The following NBEA variants were observed in gnomAD, a reference collection of about 807,000 sequenced individuals.
The protein encoded by NBEA is neurobeachin, also known as lysosomal-trafficking regulator 2.
A neutral mutation model predicts 343.4 loss-of-function variants in NBEA; 44 were observed. The observed-to-expected ratio is 0.13, with a 90% CI of 0.10 to 0.16. The LOEUF (loss-of-function observed/expected upper bound fraction) is 0.16, where lower values mean the gene tolerates loss of function less well. Among genes scored for constraint, NBEA ranks in the 10% least tolerant of loss-of-function variants. The pLI is 1.00. For synonymous variants in NBEA, 1,175 were observed against 1,238.7 expected, an observed-to-expected ratio of 0.95 and a Z score of 1.08; for missense variants, 2,555 against 3,631.3, an observed-to-expected ratio of 0.70 and a Z score of 7.62.
intron 38 of NBEA, among the ~76,000 whole-genome samples, chr13:35,382,616 TATC>T (rs2042068283): frequency 6.6e-6 from 1 of 152,168 alleles, no homozygotes; most frequent in African/African-American, 2.4e-5. Context: ...AGTGAATTGT[TATC>T]ATTTCTACAT....
At chr13:35,112,419 G>A (rs746765948) in intron 13 of NBEA, among the ~76,000 whole-genome samples, 11 of 151,932 alleles carry the variant, frequency 7.2e-5, no homozygotes, top group Non-Finnish European at 2.9e-5. Flanking sequence ...ACATAAGACT[G>A]CATCTATATA....
chr13:35,205,395 G>A (rs1351410769), intron 31 of NBEA, among the ~76,000 whole-genome samples: 1 of 152,050 alleles, frequency 6.6e-6, no homozygotes, highest in Admixed American at 6.6e-5. Context: ...CTTCTTGTTG[G>A]TCCTAATTTG....
chr13:35,451,050 C>G (rs1328266093), intron 39 of NBEA, among the ~76,000 whole-genome samples: 1 of 152,168 alleles, frequency 6.6e-6, no homozygotes, highest in Non-Finnish European at 1.5e-5. Flanking sequence ...AATGCCAGGT[C>G]AAATCTTGCA....
At chr13:35,118,063 T>C (rs558014115) in intron 14 of NBEA, among the ~76,000 whole-genome samples, 165 bp from the exon 15 acceptor site, 290 of 152,100 alleles carry the variant, frequency 1.9e-3, no homozygotes, top group Non-Finnish European at 3.2e-3. Context: ...TTACTTAACT[T>C]GAAATAATAC....
Position 35,157,189 on chromosome 13 carries a change from G to C in NBEA, c.2763G>C (p.Arg921=). The change falls in exon 21 of 59, where the codon CGG becomes CGC. Residue 921 remains arginine, a synonymous_variant. Coordinates refer to ENST00000379939, the MANE Select transcript of NBEA (RefSeq NM_001385012.1). ...CCGAAATGGTCTACAATATCTTCCG[G>C]ATTCTTTTGTATCATGCAATAAAAT... is the stretch of plus-strand genomic sequence containing the variant. ...KITEMVYNIF[R]ILLYHAIKYE... 6.2e-7 allele frequency: 1 copy of C among 1,610,554 alleles called. No homozygotes were observed. The highest frequency in any genetic ancestry group is 1.1e-5 in the South Asian group (1 of 90,216).
chr13:35,508,016 A>C (rs2152984805), intron 41 of NBEA, among the ~76,000 whole-genome samples: 1 of 152,312 alleles, frequency 6.6e-6, no homozygotes, highest in East Asian at 1.9e-4. Flanking sequence ...GAGCACCTAC[A>C]TATGCAACTT....
At chr13:35,609,053 C>T (rs2153053400) in intron 48 of NBEA, among the ~76,000 whole-genome samples, 1 of 152,234 alleles carries the variant, frequency 6.6e-6, no homozygotes, top group African/African-American at 2.4e-5. Flanking sequence ...TATTTATTTC[C>T]TTTAACTTCG....
chr13:35,082,716 C>T (rs2064486209), intron 10 of NBEA, among the ~76,000 whole-genome samples: 1 of 152,166 alleles, frequency 6.6e-6, no homozygotes, highest in South Asian at 2.1e-4. Context: ...AAAATGTCTT[C>T]TTTTCAGAAG....
At chr13:35,288,336 T>C (rs1263637455) in intron 34 of NBEA, among the ~76,000 whole-genome samples, 1 of 151,938 alleles carries the variant, frequency 6.6e-6, no homozygotes, top group Non-Finnish European at 1.5e-5. Context: ...CTGCTTGTGT[T>C]CTCAATGTCA....
At chr13:35,326,309 C>A (rs745425918) in intron 36 of NBEA, among the ~76,000 whole-genome samples, 1 of 152,012 alleles carries the variant, frequency 6.6e-6, no homozygotes, top group African/African-American at 2.4e-5. Context: ...TCTATGATTT[C>A]TTTCAGCAGT....
At chr13:35,284,583 A>G (rs1406452159) in intron 34 of NBEA, among the ~76,000 whole-genome samples, 1 of 152,174 alleles carries the variant, frequency 6.6e-6, no homozygotes, top group Non-Finnish European at 1.5e-5. Flanking sequence ...ATCTACCTAT[A>G]TACATCTTAA....
intron 44 of NBEA, among the ~76,000 whole-genome samples, chr13:35,565,336 G>A (rs1536634): frequency 0.52 from 78,704 of 151,982 alleles, 20,924 homozygotes; most frequent in East Asian, 0.84. Flanking sequence ...ATTTGGTTTG[G>A]TGCTTGCAAT....
At chr13:35,426,116 T>G (rs1419657919) in intron 38 of NBEA, among the ~76,000 whole-genome samples, 4 of 152,182 alleles carry the variant, frequency 2.6e-5, no homozygotes, top group South Asian at 2.1e-4. Context: ...GCCAGTCTGT[T>G]TCTTTTAATT....
At chr13:35,364,357 G>T (rs1469757643) in intron 38 of NBEA, among the ~76,000 whole-genome samples, 1 of 151,858 alleles carries the variant, frequency 6.6e-6, no homozygotes, top group East Asian at 1.9e-4. Context: ...GCTGTGTCTT[G>T]CTGGGTGGGT....
At chr13:35,234,407 A>T (rs2075126708) in intron 34 of NBEA, among the ~76,000 whole-genome samples, 1 of 152,218 alleles carries the variant, frequency 6.6e-6, no homozygotes, top group South Asian at 2.1e-4. Flanking sequence ...CTAGATGTGT[A>T]TGATTGACTA....
chr13:35,481,614 T>C (rs1488905411), intron 41 of NBEA, among the ~76,000 whole-genome samples: 1 of 151,866 alleles, frequency 6.6e-6, no homozygotes, highest in Non-Finnish European at 1.5e-5. Flanking sequence ...AATAGTCTAA[T>C]TTCTCACAAA....
chr13:35,168,312 TAATG>T (rs1418348487), intron 24 of NBEA, among the ~76,000 whole-genome samples: 1 of 151,716 alleles, frequency 6.6e-6, no homozygotes, highest in East Asian at 1.9e-4. Flanking sequence ...TATTTGAATA[TAATG>T]AATATAATTA....
At chr13:35,080,469 T>C (rs1438271826) in intron 10 of NBEA, among the ~76,000 whole-genome samples, 1 of 152,188 alleles carries the variant, frequency 6.6e-6, no homozygotes, top group East Asian at 1.9e-4. Flanking sequence ...CCTCTGCCTT[T>C]AATTATGTAA....
At chr13:35,507,616 C>A (rs1409285641) in intron 41 of NBEA, among the ~76,000 whole-genome samples, 1 of 152,102 alleles carries the variant, frequency 6.6e-6, no homozygotes, top group Admixed American at 6.6e-5. Context: ...CGAGCCAAAA[C>A]CTTGGAGTTA....
Sources: gnomAD v4.1 joint callset for allele counts (sites outside exome capture counted in the v4.1 genomes callset) on GRCh38, gnomAD v4.1.1 for gene constraint, MANE v1.5 for transcripts, NCBI Gene and HGNC (gene_info 2026-07-23, HGNC 2026-07-21) for gene names.